The following VASH2 variants were observed in gnomAD, a reference collection of about 807,000 sequenced individuals.
The protein encoded by VASH2 is tubulinyl-Tyr carboxypeptidase 2.
A neutral mutation model predicts 37.2 loss-of-function variants in VASH2; 28 were observed. That is an observed-to-expected ratio of 0.75 (90% CI 0.56 to 1.03). VASH2 has a LOEUF of 1.03. Ranked by LOEUF, VASH2 falls within the 50% of genes least tolerant of loss-of-function variation. VASH2 has a pLI of 0.00. For missense variants in VASH2, 419 were observed against 459.1 expected (o/e 0.91, Z 0.80); for synonymous variants, 188 against 174.7 (o/e 1.08, Z -0.60).
At position 212,951,784 on chromosome 1, in the gene VASH2, T is replaced by C. The variant is rs756578657; in HGVS notation, c.242T>C (p.Val81Ala). ...GTGCACCCTAAGGGGGGAGAAATGGTGGGCGCCATCAGGAACGCCGCCTTC... is the reference window on the plus strand; with the variant it reads ...GTGCACCCTAAGGGGGGAGAAATGGCGGGCGCCATCAGGAACGCCGCCTTC... ...AKVHPKGGEM[V>A]GAIRNAAFLA... Residue 81 changes from valine to alanine, a missense_variant, in exon 2 of 8, where the codon GTG (valine) becomes GCG (alanine). Val to Ala is a moderately conservative substitution (Grantham distance 64). Around this residue, in one of 3 missense-constraint regions of VASH2, gnomAD observed 158 missense variants for 163.0 expected, o/e 0.97. Coordinates refer to ENST00000517399, the MANE Select transcript of VASH2 (RefSeq NM_001301056.2). This position sits in a 1 kb window ranked among gnomAD's most constrained non-coding sequence, Gnocchi z 4.4. The C allele has an allele frequency of 5.0e-6, 8 of 1,607,888 alleles. No individual in the cohort carries two copies. Among genetic ancestry groups the C allele is most frequent in the Non-Finnish European group, 6.8e-6 (8 of 1,178,490 alleles).
At chr1:212,975,094 C>T (rs1572075243) in intron 7 of VASH2, among the ~76,000 whole-genome samples, 1 of 152,114 alleles carries the variant, frequency 6.6e-6, no homozygotes, top group Non-Finnish European at 1.5e-5. Context: ...GGTGAAGAAA[C>T]CAGGACACAA....
chr1:212,957,032 T>C (rs1016728499), intron 2 of VASH2, among the ~76,000 whole-genome samples: 4 of 152,188 alleles, frequency 2.6e-5, no homozygotes, highest in Non-Finnish European at 4.4e-5. Flanking sequence ...TCCATTTCCC[T>C]CTCTCCCCAG....
rs1431889388 is a variant in VASH2 at position 212,951,638 on chromosome 1, C to T, written c.96C>T (p.Leu32=). The change falls in exon 2 of 8, where the codon CTC becomes CTT. Residue 32 remains leucine, a synonymous_variant. Transcript: ENST00000517399. This position sits in a 1 kb window ranked among gnomAD's most constrained non-coding sequence, Gnocchi z 4.4. ...SRSSHARPVS[L]ATSGGSEEED... The stretch of plus-strand genomic sequence containing the variant: ...GCAGCCACGCGCGGCCCGTGAGCCT[C>T]GCCACCAGCGGGGGCTCAGAGGAGG... 1 of 1,577,934 alleles carries T rather than the reference C, an allele frequency of 6.3e-7. No homozygotes were observed. Among genetic ancestry groups the T allele is most frequent in the Admixed American group, 1.9e-5 (1 of 53,684 alleles).
At chr1:212,976,394 A>G (rs544493280) in intron 7 of VASH2, among the ~76,000 whole-genome samples, 95 of 152,288 alleles carry the variant, frequency 6.2e-4, no homozygotes, top group African/African-American at 2.2e-3. Flanking sequence ...CAGCATGCCT[A>G]TGCCACATAG....
chr1:212,985,334 C>T (rs1174555957), intron 7 of VASH2, among the ~76,000 whole-genome samples: 1 of 151,398 alleles, frequency 6.6e-6, no homozygotes, highest in Non-Finnish European at 1.5e-5. Flanking sequence ...ACCCAGCGCA[C>T]CCAGCCATGA....
At chr1:212,976,332 AC>A (rs1297880676) in intron 7 of VASH2, among the ~76,000 whole-genome samples, 1 of 152,188 alleles carries the variant, frequency 6.6e-6, no homozygotes, top group Non-Finnish European at 1.5e-5. Context: ...TGTAATCCCA[AC>A]ACTTTGAGAG....
intron 2 of VASH2, chr1:212,952,509 C>T (rs552117980): frequency 2.0e-5 from 3 of 152,414 alleles, no homozygotes; most frequent in South Asian, 4.1e-4. Context: ...ATGAATTAGT[C>T]TCACTGGATA....
rs745695023 is a variant in VASH2, at chr1:212,961,206, C to T, written c.317C>T (p.Thr106Met). The change falls in exon 3 of 8, where the codon ACG becomes ATG. Residue 106 changes from threonine (T) to methionine (M), a missense_variant. Coordinates refer to ENST00000517399, the MANE Select transcript of VASH2 (RefSeq NM_001301056.2). ...GTCCCAAACTACAGGCTGTCGATGA[C>T]GATCCCAGACTGGCTCCAGGCGATC... ...PQVPNYRLSM[T>M]IPDWLQAIQN... 10 of 1,614,152 alleles carry T rather than the reference C, an allele frequency of 6.2e-6. No individual in the cohort carries two copies. The highest frequency in any genetic ancestry group is 4.5e-5 in the East Asian group (2 of 44,876).
intron 2 of VASH2, among the ~76,000 whole-genome samples, chr1:212,958,241 C>T (rs766253086): frequency 8.3e-4 from 126 of 152,322 alleles, no homozygotes; most frequent in Non-Finnish European, 1.6e-3. Context: ...CTCTCCCAGA[C>T]ATCAGAGTGA....
chr1:212,959,648 C>T (rs750885397), intron 2 of VASH2, among the ~76,000 whole-genome samples: 7 of 152,310 alleles, frequency 4.6e-5, no homozygotes, highest in Admixed American at 6.5e-5. Context: ...GGAAAGACCC[C>T]GATGCCCAGG....
chr1:212,958,333 G>A (rs1211292568), intron 2 of VASH2, among the ~76,000 whole-genome samples: 1 of 152,210 alleles, frequency 6.6e-6, no homozygotes, highest in Non-Finnish European at 1.5e-5. Context: ...CTTGGGGAAT[G>A]TATACGTTTG....
chr1:212,969,362 A>AT (rs58146688), intron 5 of VASH2: 68,919 of 188,438 alleles, frequency 0.37, 14,921 homozygotes, highest in East Asian at 0.48. Flanking sequence ...TGCCCGGCTA[A>AT]TTTTTTTGTA....
intron 7 of VASH2, among the ~76,000 whole-genome samples, chr1:212,977,031 G>A (rs1453688177): frequency 6.6e-6 from 1 of 152,192 alleles, no homozygotes; most frequent in Non-Finnish European, 1.5e-5. Flanking sequence ...AGGTGAGGAG[G>A]GGTGGGTTTC....
At chr1:212,972,540 T>C in intron 5 of VASH2, 40 bp from the exon 6 acceptor site, 1 of 1,589,320 alleles carries the variant, frequency 6.3e-7, no homozygotes, top group Non-Finnish European at 8.5e-7. Context: ...CTTCAAATTT[T>C]CAAGGCCTCC....
Position 212,951,801 on chromosome 1 carries a change from G to A in VASH2, c.259G>A (p.Ala87Thr), listed in dbSNP as rs1666318752. The change falls in exon 2 of 8, where the codon GCC becomes ACC. Residue 87 changes from alanine to threonine, a missense_variant. By Grantham distance (58) the Ala-to-Thr change is moderately conservative. This residue lies in a region of VASH2 where 158 missense variants were observed against 163.0 expected (regional missense o/e 0.97). Coordinates refer to ENST00000517399, the MANE Select transcript of VASH2 (RefSeq NM_001301056.2). The surrounding 1 kb of genome is among the most constrained non-coding windows in gnomAD (Gnocchi z 4.4). ...AGAAATGGTGGGCGCCATCAGGAACGCCGCCTTCTTGGCAAAGGTCAGTGG... is the reference window on the plus strand; with the variant it reads ...AGAAATGGTGGGCGCCATCAGGAACACCGCCTTCTTGGCAAAGGTCAGTGG... ...GGEMVGAIRNAAFLAKPSIPQ... is the reference protein window; with the variant it reads ...GGEMVGAIRNTAFLAKPSIPQ... 3 of 1,605,940 alleles carry A rather than the reference G, an allele frequency of 1.9e-6. No homozygotes were observed. Among genetic ancestry groups the A allele is most frequent in the South Asian group, 1.1e-5 (1 of 89,072 alleles).
chr1:212,962,252 G>C (rs978515074), intron 3 of VASH2, among the ~76,000 whole-genome samples: 3 of 152,172 alleles, frequency 2.0e-5, no homozygotes, highest in Admixed American at 6.5e-5. Context: ...AGGGACAGAG[G>C]GGCAGGAGCG....
chr1:212,973,772 C>A, intron 6 of VASH2, 183 bp from the exon 7 acceptor site: 4 of 1,382,518 alleles, frequency 2.9e-6, no homozygotes, highest in Non-Finnish European at 3.8e-6. Context: ...TGCTGCTTGA[C>A]AGTACAGGAC....
intron 3 of VASH2, 26 bp from the exon 4 acceptor site, chr1:212,965,696 A>G (rs1282482378): frequency 6.5e-7 from 1 of 1,543,960 alleles, no homozygotes; most frequent in East Asian, 2.4e-5. Context: ...GTTTTCTGTC[A>G]CTTTCCCTTT....
chr1:212,972,865 C>T lies in VASH2; in HGVS notation c.783C>T (p.Pro261=), dbSNP rs749993325. ...YVPHEPHSFQ[P]IEWKQLVLNV... ...CCCATGAGCCTCATAGCTTCCAGCC[C>T]ATTGAGTGGAAGCAGCTGGTCCTCA... Residue 261 remains proline (P), a synonymous_variant, in exon 6 of 8, where the codon CCC becomes CCT. Coordinates refer to ENST00000517399, the MANE Select transcript of VASH2 (RefSeq NM_001301056.2). The T allele has an allele frequency of 9.3e-6, 15 of 1,614,118 alleles. No homozygotes were observed. The highest frequency in any genetic ancestry group is 3.3e-5 in the South Asian group (3 of 91,084).
Sources: gnomAD v4.1 joint callset for allele counts (sites outside exome capture counted in the v4.1 genomes callset) on GRCh38, gnomAD v4.1.1 for gene constraint, gnomAD v4.1.1 regional missense constraint, Gnocchi (gnomAD v3.1) non-coding constraint, MANE v1.5 for transcripts, NCBI Gene and HGNC (gene_info 2026-07-23, HGNC 2026-07-21) for gene names.